The following PTPRS variants were observed in gnomAD, a reference collection of about 807,000 sequenced individuals.
PTPRS encodes protein tyrosine phosphatase receptor type S, also known as receptor-type tyrosine-protein phosphatase S.
In PTPRS, 63 loss-of-function variants were observed where a neutral mutation model predicts 215.3. The ratio of observed to expected loss-of-function variants is 0.29; its 90% CI spans 0.24 to 0.36. PTPRS has a LOEUF of 0.36. Ranked by LOEUF, PTPRS falls within the 10% of genes least tolerant of loss-of-function variation. The pLI, the probability that PTPRS is intolerant of heterozygous loss-of-function variation, is 1.00. For missense variants in PTPRS, 2,258 were observed against 2,825.8 expected (o/e 0.80, Z 4.56); for synonymous variants, 1,404 against 1,191.4 (o/e 1.18, Z -3.68).
intron 1 of PTPRS, among the ~76,000 whole-genome samples, chr19:5,331,648 C>A (rs1009554985): frequency 2.0e-5 from 3 of 152,148 alleles, no homozygotes; most frequent in African/African-American, 7.2e-5. Flanking sequence ...AGAACCACAG[C>A]AGTACACTCA....
rs1251215196 is a variant in PTPRS at position 5,223,036 on chromosome 19, T to G, written c.2756A>C (p.Glu919Ala). Reference protein sequence around the residue: ...SRGGLGEEAAEVLSIPEDTPR... With the variant: ...SRGGLGEEAAAVLSIPEDTPR... Reference sequence around the variant, plus strand: ...CGTGTCCTCCGGGATGCTCAGGACCTCGGCTGCCTCCTCGCCCAGGCCGCC... The same window carrying G: ...CGTGTCCTCCGGGATGCTCAGGACCGCGGCTGCCTCCTCGCCCAGGCCGCC... The change falls in exon 18 of 38, where the codon GAG (glutamate) becomes GCG (alanine). Residue 919 changes from glutamate to alanine, a missense_variant. Physicochemically the swap from Glu to Ala is moderately radical, Grantham distance 107 (BLOSUM62 -1). This residue lies in a region of PTPRS where 361 missense variants were observed against 332.6 expected (regional missense o/e 1.09). Coordinates refer to ENST00000262963, the MANE Select transcript of PTPRS (RefSeq NM_002850.4). 6.5e-7 allele frequency: 1 copy of G among 1,547,044 alleles called. No individual in the cohort carries two copies. Among genetic ancestry groups the G allele is most frequent in the Non-Finnish European group, 8.7e-7 (1 of 1,147,624 alleles).
At position 5,245,769 on chromosome 19, in the gene PTPRS, T is replaced by C; in HGVS notation, c.988+7A>G. On this transcript the variant is annotated splice_region_variant and intron_variant, in intron 10 of 37. Coordinates refer to ENST00000262963, the MANE Select transcript of PTPRS (RefSeq NM_002850.4). ...CTCCACCTACGAGCCCCATGGGCCCTGCTCACATTTCACCGTGATCTGAGC... is the reference window on the plus strand; with the variant it reads ...CTCCACCTACGAGCCCCATGGGCCCCGCTCACATTTCACCGTGATCTGAGC... The C allele has an allele frequency of 1.3e-6, 2 of 1,577,404 alleles. No homozygotes were observed. The highest frequency in any genetic ancestry group is 1.7e-6 in the Non-Finnish European group (2 of 1,158,664).
At chr19:5,215,155 C>G in intron 28 of PTPRS, 134 bp downstream of exon 28, 1 of 1,163,688 alleles carries the variant, frequency 8.6e-7, no homozygotes, top group Non-Finnish European at 1.2e-6. Context: ...CTAAAGATGC[C>G]CAGTGGCCTC....
chr19:5,320,181 T>C (rs1221399457), intron 1 of PTPRS, among the ~76,000 whole-genome samples: 2 of 152,238 alleles, frequency 1.3e-5, no homozygotes, highest in African/African-American at 4.8e-5. Context: ...GCCAGGCCCC[T>C]GCCCTCTGCC....
In PTPRS at chr19:5,210,700, G is replaced by A; in HGVS notation, c.5340C>T (p.Thr1780=). 6.2e-7 allele frequency: 1 copy of A among 1,614,194 alleles called. No homozygotes were observed. The highest frequency in any genetic ancestry group is 8.5e-7 in the Non-Finnish European group (1 of 1,180,050). ...TCACCCGGCCCATCTCCCGCAGCTT[G>A]GTCAGCATCACCACGATCGTCGAAT... The part of the protein sequence containing the change: ...ENNSTIVVML[T]KLREMGREKC... The change falls in exon 34 of 38, where the codon ACC becomes ACT. Residue 1780 remains threonine (T), a synonymous_variant. Transcript: ENST00000262963. This position sits in a 1 kb window ranked among gnomAD's most constrained non-coding sequence, Gnocchi z 4.5.
intron 1 of PTPRS, among the ~76,000 whole-genome samples, chr19:5,324,145 C>G: frequency 6.9e-6 from 1 of 144,998 alleles, no homozygotes; most frequent in Non-Finnish European, 1.5e-5. Flanking sequence ...AGGAGAATCG[C>G]TTGAACCTGA....
At chr19:5,283,872 A>G (rs971189772) in intron 2 of PTPRS, among the ~76,000 whole-genome samples, 2 of 152,178 alleles carry the variant, frequency 1.3e-5, no homozygotes, top group African/African-American at 4.8e-5. Context: ...TAGGAGTTTG[A>G]GACCAGCCTG....
intron 9 of PTPRS, among the ~76,000 whole-genome samples, chr19:5,248,342 C>T (rs887929248): frequency 1.7e-4 from 25 of 150,994 alleles, no homozygotes; most frequent in Non-Finnish European, 1.8e-4. Flanking sequence ...AACAAACAAA[C>T]GAAAAAACTC....
chr19:5,282,521 G>A (rs1215944231), intron 2 of PTPRS, among the ~76,000 whole-genome samples: 1 of 152,168 alleles, frequency 6.6e-6, no homozygotes, highest in African/African-American at 2.4e-5. Context: ...AAGGTGAAGA[G>A]GCCTGGCGCA....
At chr19:5,229,460 G>GTCCCCGGCCCC in intron 15 of PTPRS, 31 bp downstream of exon 15, 2 of 1,361,420 alleles carry the variant, frequency 1.5e-6, no homozygotes, top group Non-Finnish European at 1.9e-6. Flanking sequence ...CCCGGAGCCC[G>GTCCCCGGCCCC]TCCCCGGCCC....
intron 4 of PTPRS, 112 bp from the exon 5 acceptor site, chr19:5,265,308 G>A (rs530872074): frequency 3.0e-4 from 295 of 991,962 alleles, no homozygotes; most frequent in South Asian, 9.8e-4. Context: ...CCCTGGCTGC[G>A]TGACCTCAGC....
chr19:5,251,604 C>T (rs1359721476), intron 9 of PTPRS, among the ~76,000 whole-genome samples: 1 of 152,048 alleles, frequency 6.6e-6, no homozygotes, highest in Non-Finnish European at 1.5e-5. Context: ...TCACAAACCC[C>T]CTCCCCCAAC....
At chr19:5,224,212 TAAG>T (rs1311777836) in intron 17 of PTPRS, among the ~76,000 whole-genome samples, 3 of 151,922 alleles carry the variant, frequency 2.0e-5, no homozygotes, top group Admixed American at 2.0e-4. Context: ...AAGCCTCACT[TAAG>T]AAGCAAAGAC....
intron 14 of PTPRS, among the ~76,000 whole-genome samples, chr19:5,230,880 C>G (rs1437029260): frequency 6.6e-6 from 1 of 152,194 alleles, no homozygotes; most frequent in East Asian, 1.9e-4. Context: ...TTGCTGCTAA[C>G]TTGAAATGGG....
intron 7 of PTPRS, 86 bp from the exon 8 acceptor site, chr19:5,258,213 G>T: frequency 8.7e-7 from 1 of 1,148,568 alleles, no homozygotes; most frequent in Non-Finnish European, 1.3e-6. Context: ...GTGCTCTCTG[G>T]CCTGTCTCCT....
intron 1 of PTPRS, among the ~76,000 whole-genome samples, 159 bp downstream of exon 1, chr19:5,340,505 A>G (rs1015410864): frequency 1.3e-5 from 2 of 151,050 alleles, no homozygotes; most frequent in African/African-American, 4.9e-5. Flanking sequence ...TGGGCGTGCA[A>G]CTGGCTGCAG....
In PTPRS at chr19:5,263,125, T is replaced by C. The variant is rs111956129; in HGVS notation, c.569-153A>G. The stretch of plus-strand genomic sequence containing the variant: ...ACAACATTTCTTATGATTCCTAAAG[T>C]GGCTTATGTTCACTGAGCACCTAGC... On this transcript the variant is annotated intron_variant, in intron 5 of 37. Transcript: ENST00000262963. The C allele has an allele frequency of 4.0e-5, 29 of 721,742 alleles. No individual in the cohort carries two copies. The African/African-American group carries it at 4.1e-4, about 10-fold the overall frequency. The allele number at this position is 721,742 out of a possible 1,614,324, so 44.7% of individuals were successfully genotyped here.
At chr19:5,274,752 G>T (rs2047214646) in intron 2 of PTPRS, among the ~76,000 whole-genome samples, 1 of 152,210 alleles carries the variant, frequency 6.6e-6, no homozygotes, top group Admixed American at 6.5e-5. Context: ...CCCCCTCCAT[G>T]GTGACCAGCC....
chr19:5,248,373 A>G (rs1701555981), intron 9 of PTPRS, among the ~76,000 whole-genome samples: 2 of 149,292 alleles, frequency 1.3e-5, no homozygotes, highest in Admixed American at 1.4e-4. Flanking sequence ...AAAACACAAC[A>G]CCCAAAAGCA....
Sources: gnomAD v4.1 joint callset for allele counts (sites outside exome capture counted in the v4.1 genomes callset) on GRCh38, gnomAD v4.1.1 for gene constraint, gnomAD v4.1.1 regional missense constraint, Gnocchi (gnomAD v3.1) non-coding constraint, MANE v1.5 for transcripts, NCBI Gene and HGNC (gene_info 2026-07-23, HGNC 2026-07-21) for gene names.